CSMD2: variants seen among roughly 807,000 people sequenced by gnomAD.
CSMD2 encodes the protein CUB and sushi domain-containing protein 2.
CSMD2 carries 130 observed loss-of-function variants against 398.5 expected under a neutral mutation model. The ratio of observed to expected loss-of-function variants is 0.33; its 90% CI spans 0.28 to 0.38. The LOEUF is 0.38. Among genes scored for constraint, CSMD2 ranks in the 10% least tolerant of loss-of-function variants. The probability of loss-of-function intolerance (pLI) is 1.00; values close to 1 mark genes in which losing one functional copy is unlikely to be tolerated. For missense variants in CSMD2, 3,829 were observed against 4,764.9 expected (o/e 0.80, Z 5.78); for synonymous variants, 1,828 against 1,908.5 (o/e 0.96, Z 1.10).
chr1:33,879,084 G>C lies in CSMD2; in HGVS notation c.921-32088C>G, dbSNP rs1260897900. 7.2e-5 allele frequency among the ~76,000 whole-genome samples: 11 copies of C among 152,320 alleles called. No individual in the cohort carries two copies. In the East Asian group the frequency reaches 1.9e-3, roughly 27 times the overall value. On this transcript the variant is annotated intron_variant, in intron 5 of 70. Coordinates refer to ENST00000373381, the MANE Select transcript of CSMD2 (RefSeq NM_001281956.2). ...CTCGGCTGGAGGTTCCAACTGGAAT[G>C]TGTGAGTTGGTGGCTTCTATGGTGC...
chr1:33,931,119 T>C (rs1213362575), intron 4 of CSMD2, among the ~76,000 whole-genome samples: 1 of 152,262 alleles, frequency 6.6e-6, no homozygotes, highest in African/African-American at 2.4e-5. Flanking sequence ...AGCATGATTC[T>C]GATGGTGAAT....
At chr1:33,678,386 T>C (rs1321082643) in intron 25 of CSMD2, among the ~76,000 whole-genome samples, 2 of 151,850 alleles carry the variant, frequency 1.3e-5, no homozygotes, top group Non-Finnish European at 2.9e-5. Context: ...CTTGACCTGT[T>C]GATTTCACTT....
chr1:33,995,058 G>A (rs1041347498), intron 3 of CSMD2, among the ~76,000 whole-genome samples: 10 of 145,382 alleles, frequency 6.9e-5, no homozygotes, highest in African/African-American at 7.6e-5. Flanking sequence ...GCAAGACTCC[G>A]TCTCAAAAAA....
intron 10 of CSMD2, among the ~76,000 whole-genome samples, chr1:33,804,369 A>C (rs1655975159): frequency 1.3e-5 from 2 of 152,308 alleles, no homozygotes; most frequent in South Asian, 4.1e-4. Flanking sequence ...GGGCTATTCC[A>C]AACCTCAGTG....
In CSMD2 at chr1:33,577,147, C is replaced by T. The variant is rs11804400; in HGVS notation, c.7576+149G>A. 7,065 of 702,554 alleles carry T rather than the reference C, an allele frequency of 0.01. 393 individuals are homozygous for T. The African/African-American group carries it at 0.11, about 11-fold the overall frequency. 43.5% of individuals were successfully genotyped at this position (702,554 alleles called of 1,614,324 possible). A position where few individuals can be genotyped will look rare whatever the true frequency, so the allele number is the denominator to read the frequency against. On this transcript the variant is annotated intron_variant, in intron 49 of 70. Transcript: ENST00000373381. Reference sequence around the variant, plus strand: ...GGATCTCAAAACACTGAGATTGCTACGCACTACAGATCTTGTAAATGCTTG... The same window carrying T: ...GGATCTCAAAACACTGAGATTGCTATGCACTACAGATCTTGTAAATGCTTG...
At chr1:33,901,054 C>T (rs1429009557) in intron 5 of CSMD2, among the ~76,000 whole-genome samples, 1 of 152,100 alleles carries the variant, frequency 6.6e-6, no homozygotes, top group East Asian at 1.9e-4. Context: ...GAGGAGGAAG[C>T]TAAGTCTCTG....
intron 10 of CSMD2, among the ~76,000 whole-genome samples, chr1:33,801,668 C>T (rs145540370): frequency 1.9e-4 from 29 of 152,326 alleles, no homozygotes; most frequent in Non-Finnish European, 3.7e-4. Context: ...ACAAAAAGTG[C>T]TGTAGGAACA....
intron 6 of CSMD2, among the ~76,000 whole-genome samples, chr1:33,835,701 C>T (rs913390744): frequency 1.1e-5 from 1 of 89,654 alleles, no homozygotes; most frequent in Admixed American, 1.5e-4. Context: ...AAAAAACAAA[C>T]AAAAATACAT....
intron 19 of CSMD2, among the ~76,000 whole-genome samples, chr1:33,719,083 T>A (rs1031087274): frequency 6.6e-6 from 1 of 151,968 alleles, no homozygotes; most frequent in Non-Finnish European, 1.5e-5. Flanking sequence ...GGAGGAAGAA[T>A]GGGAACTATG....
At chr1:33,632,249 A>C (rs1354065850) in intron 32 of CSMD2, among the ~76,000 whole-genome samples, 1 of 152,112 alleles carries the variant, frequency 6.6e-6, no homozygotes, top group Non-Finnish European at 1.5e-5. Context: ...CAAAGGAGAA[A>C]ACTATATAAG....
intron 5 of CSMD2, among the ~76,000 whole-genome samples, chr1:33,883,188 T>A (rs1274587198): frequency 6.6e-6 from 1 of 152,222 alleles, no homozygotes; most frequent in Non-Finnish European, 1.5e-5. Flanking sequence ...AATGGACATT[T>A]AGCTACCCAA....
intron 57 of CSMD2, 92 bp from the exon 58 acceptor site, chr1:33,542,988 C>T: frequency 9.9e-7 from 1 of 1,007,938 alleles, no homozygotes; most frequent in Non-Finnish European, 1.5e-6. Context: ...CCACATGCTA[C>T]CTCGGGACCT....
intron 2 of CSMD2, among the ~76,000 whole-genome samples, chr1:34,039,774 G>C (rs1178540783): frequency 6.6e-6 from 1 of 152,184 alleles, no homozygotes. Context: ...AGGGCACCAG[G>C]GTATGTGGAC....
chr1:33,820,606 G>T, intron 7 of CSMD2, 50 bp from the exon 8 acceptor site: 1 of 1,294,406 alleles, frequency 7.7e-7, no homozygotes, highest in Non-Finnish European at 1.1e-6. Context: ...CACAGAGATG[G>T]ACAGTCACAG....
At chr1:33,811,661 C>G (rs1656884331) in intron 9 of CSMD2, among the ~76,000 whole-genome samples, 1 of 152,188 alleles carries the variant, frequency 6.6e-6, no homozygotes, top group South Asian at 2.1e-4. Context: ...ACAGCTTAAT[C>G]TAATTAAGCT....
intron 3 of CSMD2, among the ~76,000 whole-genome samples, chr1:34,014,151 G>A (rs986646284): frequency 4.6e-5 from 7 of 152,176 alleles, no homozygotes; most frequent in African/African-American, 1.4e-4. Context: ...CGCCTTCACC[G>A]TTGCGGCTCT....
intron 25 of CSMD2, among the ~76,000 whole-genome samples, chr1:33,671,605 T>G (rs1303460722): frequency 6.6e-6 from 1 of 152,022 alleles, no homozygotes; most frequent in East Asian, 1.9e-4. Flanking sequence ...CACCAACCAA[T>G]AGCAGGCCCT....
At chr1:33,935,330 C>T (rs1644442654) in intron 4 of CSMD2, among the ~76,000 whole-genome samples, 1 of 151,958 alleles carries the variant, frequency 6.6e-6, no homozygotes, top group Admixed American at 6.6e-5. Flanking sequence ...AAGGAAGAAA[C>T]TATTAGATAG....
intron 3 of CSMD2, among the ~76,000 whole-genome samples, chr1:34,013,201 A>G (rs978159103): frequency 6.7e-6 from 1 of 149,494 alleles, no homozygotes; most frequent in Non-Finnish European, 1.5e-5. Context: ...ATCAGTCATC[A>G]TCGTGCCATT....
Sources: gnomAD v4.1 joint callset for allele counts (sites outside exome capture counted in the v4.1 genomes callset) on GRCh38, gnomAD v4.1.1 for gene constraint, MANE v1.5 for transcripts, NCBI Gene and HGNC (gene_info 2026-07-23, HGNC 2026-07-21) for gene names.